The following CCDC178 variants were observed in gnomAD, a reference collection of about 807,000 sequenced individuals.
CCDC178 encodes coiled-coil domain containing 178.
CCDC178 carries 126 observed loss-of-function variants against 117.4 expected under a neutral mutation model. That is an observed-to-expected ratio of 1.07 (90% CI 0.93 to 1.24). The LOEUF is 1.24. CCDC178 is among the 50% of genes most tolerant of loss of function. CCDC178 has a pLI of 0.00. For missense variants in CCDC178, 1,030 were observed against 986.9 expected, an observed-to-expected ratio of 1.04 and a Z score of -0.59; for synonymous variants, 283 against 313.4, an observed-to-expected ratio of 0.90 and a Z score of 1.02.
At chr18:33,202,004 C>T (rs557417538) in intron 20 of CCDC178, among the ~76,000 whole-genome samples, 1 of 152,212 alleles carries the variant, frequency 6.6e-6, no homozygotes, top group African/African-American at 2.4e-5. Context: ...CAACTATCAA[C>T]GCAGTGGCTG....
chr18:33,084,810 CAAAA>C (rs34977807), intron 21 of CCDC178, among the ~76,000 whole-genome samples: 1 of 125,738 alleles, frequency 8.0e-6, no homozygotes. Flanking sequence ...GGCCCCGTCT[CAAAA>C]AAAAAAAAAA....
intron 4 of CCDC178, among the ~76,000 whole-genome samples, chr18:33,389,988 G>A (rs1479610695): frequency 6.7e-5 from 10 of 148,720 alleles, no homozygotes; most frequent in Admixed American, 1.3e-4. Flanking sequence ...ATATGCATGT[G>A]TATGTGTATA....
chr18:32,957,173 A>G (rs1236921914), intron 22 of CCDC178, among the ~76,000 whole-genome samples: 1 of 152,218 alleles, frequency 6.6e-6, no homozygotes, highest in Non-Finnish European at 1.5e-5. Flanking sequence ...TGTTGTACAA[A>G]AAGGTTTTAA....
At chr18:33,241,522 C>T (rs182810366) in intron 15 of CCDC178, among the ~76,000 whole-genome samples, 69 of 147,554 alleles carry the variant, frequency 4.7e-4, no homozygotes, top group Non-Finnish European at 8.7e-4. Context: ...CTTAAAGTTG[C>T]GAGATATAAA....
chr18:33,078,971 C>T (rs964315787), intron 21 of CCDC178, among the ~76,000 whole-genome samples: 2 of 152,094 alleles, frequency 1.3e-5, no homozygotes, highest in African/African-American at 2.4e-5. Context: ...ATAGCCAAGG[C>T]AATCCCATGC....
At chr18:33,385,513 T>C (rs1458325203) in intron 5 of CCDC178, among the ~76,000 whole-genome samples, 3 of 152,018 alleles carry the variant, frequency 2.0e-5, no homozygotes, top group Admixed American at 6.6e-5. Flanking sequence ...ACAAACACTC[T>C]CTCAGACCAC....
intron 22 of CCDC178, among the ~76,000 whole-genome samples, chr18:32,963,392 G>T (rs1598736635): frequency 1.3e-5 from 2 of 151,950 alleles, no homozygotes; most frequent in African/African-American, 4.8e-5. Context: ...AATTCAGGCT[G>T]AAGTAATTCT....
intron 11 of CCDC178, among the ~76,000 whole-genome samples, chr18:33,302,442 A>G (rs2062188946): frequency 6.6e-6 from 1 of 152,244 alleles, no homozygotes; most frequent in South Asian, 2.1e-4. Context: ...TACAGCTGCT[A>G]TGGATAATAG....
chr18:33,107,387 T>C (rs957012332), intron 20 of CCDC178, among the ~76,000 whole-genome samples: 13 of 151,672 alleles, frequency 8.6e-5, no homozygotes, highest in Non-Finnish European at 1.6e-4. Flanking sequence ...GTATGTCAAG[T>C]GACTTTAGAG....
At chr18:33,041,906 AC>A (rs2056557050) in intron 21 of CCDC178, among the ~76,000 whole-genome samples, 1 of 151,924 alleles carries the variant, frequency 6.6e-6, no homozygotes, top group Non-Finnish European at 1.5e-5. Flanking sequence ...GCATTAGGGT[AC>A]AAATTTAGCA....
At chr18:33,135,748 C>T (rs1320796180) in intron 20 of CCDC178, among the ~76,000 whole-genome samples, 1 of 152,128 alleles carries the variant, frequency 6.6e-6, no homozygotes, top group Non-Finnish European at 1.5e-5. Context: ...CTAATTTCAA[C>T]AATTTTTGGG....
intron 15 of CCDC178, among the ~76,000 whole-genome samples, chr18:33,229,431 C>G (rs1238142443): frequency 6.6e-6 from 1 of 152,174 alleles, no homozygotes; most frequent in Non-Finnish European, 1.5e-5. Flanking sequence ...ACCATTTGTA[C>G]TACTCCTAGT....
At chr18:32,946,715 TTTTTTGGG>T (rs1418371941) in intron 22 of CCDC178, among the ~76,000 whole-genome samples, 3 of 38,014 alleles carry the variant, frequency 7.9e-5, no homozygotes, top group Non-Finnish European at 2.0e-4. Context: ...ATCGTTGTGG[TTTTTTGGG>T]TTTTTTTTTT....
chr18:33,289,417 C>A (rs1337763071), intron 12 of CCDC178, among the ~76,000 whole-genome samples: 3 of 151,970 alleles, frequency 2.0e-5, no homozygotes, highest in Non-Finnish European at 2.9e-5. Flanking sequence ...GAGTTTGAGA[C>A]CACCTGGCCA....
intron 21 of CCDC178, among the ~76,000 whole-genome samples, chr18:33,083,639 G>T (rs1413272316): frequency 6.6e-6 from 1 of 152,006 alleles, no homozygotes; most frequent in Non-Finnish European, 1.5e-5. Flanking sequence ...GACATACCAG[G>T]CAATACTTAT....
At chr18:33,243,032 A>G (rs908883759) in intron 15 of CCDC178, among the ~76,000 whole-genome samples, 3 of 152,028 alleles carry the variant, frequency 2.0e-5, no homozygotes, top group African/African-American at 7.2e-5. Flanking sequence ...TGAATAACAG[A>G]AAGTGGTATA....
intron 20 of CCDC178, among the ~76,000 whole-genome samples, chr18:33,168,685 T>C (rs2058562387): frequency 6.6e-6 from 1 of 152,218 alleles, no homozygotes; most frequent in South Asian, 2.1e-4. Context: ...TTTAGGAATG[T>C]ACAGTTTTGT....
intron 10 of CCDC178, among the ~76,000 whole-genome samples, chr18:33,327,848 G>A (rs1395083275): frequency 6.6e-6 from 1 of 151,864 alleles, no homozygotes; most frequent in Non-Finnish European, 1.5e-5. Context: ...AAATTTAGTT[G>A]TTTGTCTTTC....
At chr18:33,195,383 C>G (rs2058918983) in intron 20 of CCDC178, among the ~76,000 whole-genome samples, 1 of 151,878 alleles carries the variant, frequency 6.6e-6, no homozygotes, top group South Asian at 2.1e-4. Context: ...GAGAAAGGAC[C>G]AGTAGTGATA....
Sources: gnomAD v4.1 joint callset for allele counts (sites outside exome capture counted in the v4.1 genomes callset) on GRCh38, gnomAD v4.1.1 for gene constraint, MANE v1.5 for transcripts, NCBI Gene and HGNC (gene_info 2026-07-23, HGNC 2026-07-21) for gene names.